The following FKBP5 variants were observed in gnomAD, a reference collection of about 807,000 sequenced individuals.
FKBP5 encodes the protein peptidyl-prolyl cis-trans isomerase FKBP5.
In FKBP5, 23 loss-of-function variants were observed where a neutral mutation model predicts 50.5. That is an observed-to-expected ratio of 0.46 (90% CI 0.33 to 0.65). The LOEUF (loss-of-function observed/expected upper bound fraction) is 0.65, where lower values mean the gene tolerates loss of function less well. Among genes scored for constraint, FKBP5 ranks in the 30% least tolerant of loss-of-function variants. The pLI is 0.02. For synonymous variants in FKBP5, 176 were observed against 190.6 expected (o/e 0.92, Z 0.63); for missense variants, 411 against 553.1 (o/e 0.74, Z 2.58).
Position 35,660,773 on chromosome 6 carries a change from T to C in FKBP5, c.-19-17930A>G, listed in dbSNP as rs996313813. On this transcript the variant is annotated intron_variant, in intron 1 of 10. Coordinates refer to ENST00000357266, the MANE Select transcript of FKBP5 (RefSeq NM_004117.4). ...CAATTATTGAGAGACAGGTGAGGTA[T>C]TGAAATCTCCAACTATAATTTTAGA... Among the ~76,000 whole-genome samples the C allele has an allele frequency of 2.4e-5, 2 of 84,110 alleles. 1 individual carries two copies. The highest frequency in any genetic ancestry group is 5.4e-5 in the Non-Finnish European group (2 of 36,744). 55.2% of individuals were successfully genotyped at this position (84,110 alleles called of 152,430 possible).
intron 1 of FKBP5, among the ~76,000 whole-genome samples, chr6:35,688,043 C>G (rs1253095323): frequency 6.6e-6 from 1 of 152,262 alleles, no homozygotes; most frequent in African/African-American, 2.4e-5. Flanking sequence ...ATAAGGAGCC[C>G]TGGCACAGCG....
At chr6:35,642,909 G>A in intron 1 of FKBP5, 66 bp from the exon 2 acceptor site, 1 of 1,148,224 alleles carries the variant, frequency 8.7e-7, no homozygotes, top group Non-Finnish European at 1.3e-6. Context: ...GAATGTCCCT[G>A]GGAACTGAGC....
At chr6:35,714,043 G>A (rs975167921) in intron 2 of FKBP5, among the ~76,000 whole-genome samples, 30 of 151,978 alleles carry the variant, frequency 2.0e-4, no homozygotes, top group African/African-American at 6.5e-4. Context: ...TTCTCAGGGG[G>A]TCTGTCTCCC....
At chr6:35,583,288 T>G (rs1490156494) in intron 8 of FKBP5, 12 of 985,218 alleles carry the variant, frequency 1.2e-5, no homozygotes, top group Non-Finnish European at 6.0e-6. Context: ...TCCTAATATA[T>G]TGTATAGGGA....
In FKBP5 at chr6:35,580,236, C is replaced by T. The variant is rs775703344; in HGVS notation, c.841-15G>A. On this transcript the variant is annotated splice_polypyrimidine_tract_variant and intron_variant, in intron 8 of 10. Transcript: ENST00000357266. Reference sequence around the variant, plus strand: ...TATTTGCCTCCCTAGGATAAAAAAGCGTCATTACTTGTACTCAGCTCTTGA... The same window carrying T: ...TATTTGCCTCCCTAGGATAAAAAAGTGTCATTACTTGTACTCAGCTCTTGA... 28 of 1,603,220 alleles carry T rather than the reference C, an allele frequency of 1.7e-5. No homozygotes were observed. In the East Asian group the frequency reaches 2.2e-4, roughly 13 times the overall value.
At chr6:35,693,035 T>C (rs1766017526), upstream of FKBP5, among the ~76,000 whole-genome samples, 2 of 135,982 alleles carry the variant, frequency 1.5e-5, no homozygotes, top group African/African-American at 2.8e-5. Flanking sequence ...TTTGTCCTAA[T>C]AAGTTTCTTC....
intron 2 of FKBP5, among the ~76,000 whole-genome samples, chr6:35,639,600 C>G (rs1487802908): frequency 6.6e-6 from 1 of 152,034 alleles, no homozygotes; most frequent in East Asian, 1.9e-4. Flanking sequence ...TAGAAGCTTC[C>G]TGGAATTTAG....
intron 1 of FKBP5, among the ~76,000 whole-genome samples, chr6:35,685,481 A>C (rs1477724242): frequency 6.6e-6 from 1 of 151,380 alleles, no homozygotes; most frequent in Non-Finnish European, 1.5e-5. Context: ...ATACTTAAAA[A>C]ACAAAATCTA....
At chr6:35,689,833 C>T (rs953262829), upstream of FKBP5, among the ~76,000 whole-genome samples, 1 of 151,982 alleles carries the variant, frequency 6.6e-6, no homozygotes, top group African/African-American at 2.4e-5. Context: ...AAGACTCCAT[C>T]TCAAAACAAA....
chr6:35,654,030 C>T (rs1406331425), intron 1 of FKBP5, among the ~76,000 whole-genome samples: 1 of 152,158 alleles, frequency 6.6e-6, no homozygotes, highest in Non-Finnish European at 1.5e-5. Flanking sequence ...TTCATGTTTA[C>T]ATCTGGGTTC....
intron 8 of FKBP5, chr6:35,585,147 A>G: frequency 1.0e-6 from 1 of 982,168 alleles, no homozygotes; most frequent in African/African-American, 1.7e-5. Context: ...AAAAGCCTCA[A>G]ATCTTCCCAA....
intron 1 of FKBP5, among the ~76,000 whole-genome samples, chr6:35,675,438 C>T (rs1378142475): frequency 6.6e-6 from 1 of 152,210 alleles, no homozygotes; most frequent in Non-Finnish European, 1.5e-5. Context: ...GGCGTGGTGG[C>T]ACATGCCTGT....
intron 5 of FKBP5, among the ~76,000 whole-genome samples, chr6:35,598,350 G>A (rs549363606): frequency 6.6e-5 from 10 of 152,122 alleles, no homozygotes; most frequent in African/African-American, 2.4e-4. Flanking sequence ...AGCCTCCGAA[G>A]TAGCTGGGAT....
At chr6:35,727,001 T>C (rs902231459) in intron 1 of FKBP5, among the ~76,000 whole-genome samples, 1 of 152,082 alleles carries the variant, frequency 6.6e-6, no homozygotes, top group African/African-American at 2.4e-5. Flanking sequence ...ACAAACTGAG[T>C]GTGCTGGGCG....
At chr6:35,607,729 C>A in intron 5 of FKBP5, 1 of 178,328 alleles carries the variant, frequency 5.6e-6, no homozygotes, top group East Asian at 1.6e-4. Flanking sequence ...GGCACCTGAC[C>A]AAATATACCA....
chr6:35,701,275 G>A (rs1285938061), intron 2 of FKBP5, among the ~76,000 whole-genome samples: 22 of 144,836 alleles, frequency 1.5e-4, no homozygotes, highest in African/African-American at 5.1e-4. Context: ...ACGGAGTCTC[G>A]CTCTGTCGCC....
At chr6:35,604,699 C>G (rs1367831004) in intron 5 of FKBP5, among the ~76,000 whole-genome samples, 2 of 152,022 alleles carry the variant, frequency 1.3e-5, no homozygotes, top group African/African-American at 4.8e-5. Context: ...TTTATGAGAC[C>G]TTTTGCCTTT....
rs141713011 is a variant in FKBP5 at position 35,585,274 on chromosome 6, G to T, written c.840+1760C>A. 8.2e-3 allele frequency: 8,018 copies of T among 981,522 alleles called. 36 individuals carry two copies. The highest frequency in any genetic ancestry group is 0.013 in the Middle Eastern group (24 of 1,906). The allele number at this position is 981,522 out of a possible 1,614,324, so 60.8% of individuals were successfully genotyped here. A position where few individuals can be genotyped will look rare whatever the true frequency, so the allele number is the denominator to read the frequency against. On this transcript the variant is annotated intron_variant, in intron 8 of 10. Coordinates refer to ENST00000357266, the MANE Select transcript of FKBP5 (RefSeq NM_004117.4). ...AGGACTCACGATCTTAAGAAATTTT[G>T]TAGAAACATTTTTCCCTCTAGTGTA...
At chr6:35,607,910 G>T in intron 5 of FKBP5, 1 of 167,548 alleles carries the variant, frequency 6.0e-6, no homozygotes, top group South Asian at 1.6e-4. Flanking sequence ...TGGCCACCAT[G>T]ACAAAAGCCG....
Sources: allele counts gnomAD v4.1 joint callset (sites outside exome capture counted in the v4.1 genomes callset), GRCh38; gene constraint gnomAD v4.1.1; transcripts MANE v1.5; gene names NCBI Gene and HGNC (gene_info 2026-07-23, HGNC 2026-07-21).